PSPC1: variants seen among roughly 807,000 people sequenced by gnomAD.
PSPC1 encodes the protein paraspeckle component 1, also known as paraspeckle protein 1.
Under a neutral mutation model 51.6 loss-of-function variants are expected in PSPC1, and 14 were observed. That is an observed-to-expected ratio of 0.27 (90% CI 0.18 to 0.42). The LOEUF (loss-of-function observed/expected upper bound fraction) is 0.42, where lower values mean the gene tolerates loss of function less well. Ranked by LOEUF, PSPC1 falls within the 10% of genes least tolerant of loss-of-function variation. The pLI, the probability that PSPC1 is intolerant of heterozygous loss-of-function variation, is 1.00. For missense variants in PSPC1, 406 were observed against 701.1 expected, an observed-to-expected ratio of 0.58 and a Z score of 4.75; for synonymous variants, 193 against 231.9, an observed-to-expected ratio of 0.83 and a Z score of 1.53.
chr13:19,689,552 A>G lies in PSPC1; in HGVS notation c.1159-11729T>C, dbSNP rs540439161. ...TTTAAAAACCCTTTGCATACGCTGA[A>G]TTATACATTTAATCCCAAGTTTTCA... On this transcript the variant is annotated intron_variant and NMD_transcript_variant, in intron 6 of 7. Transcript: ENST00000471658. Among the ~76,000 whole-genome samples the G allele has an allele frequency of 7.9e-5, 12 of 152,344 alleles. No homozygotes were observed. The South Asian group carries it at 2.5e-3, about 32-fold the overall frequency.
At chr13:19,701,168 C>T (rs1454319505), downstream of PSPC1, among the ~76,000 whole-genome samples, 1 of 151,500 alleles carries the variant, frequency 6.6e-6, no homozygotes, top group African/African-American at 2.4e-5. Context: ...CACTGGCCTT[C>T]GAGTGTTCTT....
intron 4 of PSPC1, among the ~76,000 whole-genome samples, chr13:19,748,846 G>A (rs1010553888): frequency 1.5e-4 from 22 of 150,686 alleles, no homozygotes; most frequent in Admixed American, 1.2e-3. Flanking sequence ...CCCAGGAAAC[G>A]AAATTTCAAA....
At position 19,682,553 on chromosome 13, in the gene PSPC1, CACA is replaced by C. The variant is rs574759955; in HGVS notation, c.1159-4733_1159-4731del. On this transcript the variant is annotated intron_variant and NMD_transcript_variant, in intron 6 of 7. Transcript: ENST00000471658. ...ACATCAGAAGTTATCGGAAAATGTT[CACA>C]ACGTCAGGCTCACTAAAAAAAGTTA... Among the ~76,000 whole-genome samples the C allele has an allele frequency of 3.0e-3, 446 of 146,900 alleles. 1 individual carries two copies. The highest frequency in any genetic ancestry group is 0.011 in the African/African-American group (426 of 40,000).
intron 4 of PSPC1, among the ~76,000 whole-genome samples, chr13:19,744,447 C>T (rs1185154253): frequency 1.3e-5 from 2 of 152,150 alleles, no homozygotes; most frequent in Non-Finnish European, 2.9e-5. Flanking sequence ...TTTAAAGTTC[C>T]TAATACCCAA....
At chr13:19,754,145 C>T (rs1422466962) in intron 3 of PSPC1, among the ~76,000 whole-genome samples, 3 of 151,882 alleles carry the variant, frequency 2.0e-5, no homozygotes, top group Non-Finnish European at 2.9e-5. Context: ...AATGCAATGG[C>T]GCCATCTTGG....
chr13:19,672,959 G>A, downstream of PSPC1: 1 of 395,320 alleles, frequency 2.5e-6, no homozygotes, highest in South Asian at 1.9e-5. Flanking sequence ...AGGAGGCTGA[G>A]GTGAAAGGAT....
At chr13:19,741,968 C>G (rs1347952416) in intron 4 of PSPC1, among the ~76,000 whole-genome samples, 1 of 151,604 alleles carries the variant, frequency 6.6e-6, no homozygotes, top group African/African-American at 2.4e-5. Context: ...CCCAACTCTA[C>G]CAAAACTACA....
rs147558546 is a variant in PSPC1, at chr13:19,676,773, T to C, written c.*76+951A>G. Reference sequence around the variant, plus strand: ...GCTAGAAAAGACATACACTTAATACTTTCTGGATCTATTAGGATGACAATG... The same window carrying C: ...GCTAGAAAAGACATACACTTAATACCTTCTGGATCTATTAGGATGACAATG... On this transcript the variant is annotated intron_variant and NMD_transcript_variant, in intron 7 of 7. Coordinates refer to the PSPC1 transcript ENST00000471658. Among the ~76,000 whole-genome samples, 11 of 152,280 alleles carry C rather than the reference T, an allele frequency of 7.2e-5. No individual in the cohort carries two copies. In the East Asian group the frequency reaches 1.7e-3, roughly 24 times the overall value.
At chr13:19,760,695 A>T (rs1259731864) in intron 2 of PSPC1, among the ~76,000 whole-genome samples, 1 of 151,984 alleles carries the variant, frequency 6.6e-6, no homozygotes, top group Non-Finnish European at 1.5e-5. Context: ...CTCTATAAAA[A>T]ATTTTAAAAT....
chr13:19,750,541 C>T (rs1391583692), intron 4 of PSPC1, among the ~76,000 whole-genome samples: 1 of 151,958 alleles, frequency 6.6e-6, no homozygotes, highest in Non-Finnish European at 1.5e-5. Context: ...TCTTTTTCAT[C>T]TCTACCAGAT....
At chr13:19,775,222 C>T (rs895586521) in intron 1 of PSPC1, among the ~76,000 whole-genome samples, 5 of 151,840 alleles carry the variant, frequency 3.3e-5, no homozygotes, top group African/African-American at 1.2e-4. Flanking sequence ...GCATGTGGCA[C>T]GGGCCTGTAG....
chr13:19,689,395 A>G (rs997051624), intron 6 of PSPC1, among the ~76,000 whole-genome samples: 3 of 152,230 alleles, frequency 2.0e-5, no homozygotes, highest in Non-Finnish European at 4.4e-5. Context: ...TAGATTAGCT[A>G]TATAGAAAAA....
chr13:19,766,987 A>G (rs1888138087), intron 2 of PSPC1, among the ~76,000 whole-genome samples: 1 of 151,986 alleles, frequency 6.6e-6, no homozygotes, highest in Non-Finnish European at 1.5e-5. Flanking sequence ...CAGCCTGGAC[A>G]AAATGACAAA....
intron 5 of PSPC1, among the ~76,000 whole-genome samples, chr13:19,736,651 C>T (rs1478978562): frequency 2.0e-5 from 3 of 152,068 alleles, no homozygotes; most frequent in Non-Finnish European, 4.4e-5. Context: ...CCACTGCACT[C>T]CAGCCTGGGC....
chr13:19,750,359 G>A (rs543943914), intron 4 of PSPC1, among the ~76,000 whole-genome samples: 2 of 151,886 alleles, frequency 1.3e-5, no homozygotes, highest in Non-Finnish European at 2.9e-5. Context: ...TTGAACCCAG[G>A]TGGTGGAGGC....
intron 1 of PSPC1, among the ~76,000 whole-genome samples, chr13:19,775,825 A>G (rs1359889589): frequency 6.6e-6 from 1 of 152,082 alleles, no homozygotes; most frequent in African/African-American, 2.4e-5. Flanking sequence ...CCGAGGCAGG[A>G]GAATCACGAG....
At chr13:19,775,160 A>C (rs1037011812) in intron 1 of PSPC1, among the ~76,000 whole-genome samples, 2 of 152,108 alleles carry the variant, frequency 1.3e-5, no homozygotes, top group African/African-American at 4.8e-5. Context: ...AGCATAGTGA[A>C]ACCCCGTCTC....
At chr13:19,702,104 ATG>A (rs1260780594), downstream of PSPC1, among the ~76,000 whole-genome samples, 1 of 160 alleles carries the variant, frequency 6.3e-3, no homozygotes, top group Non-Finnish European at 0.018. Context: ...TACTCCTTGG[ATG>A]TCTCTCAGCA....
intron 2 of PSPC1, among the ~76,000 whole-genome samples, chr13:19,765,051 AT>A (rs766409046): frequency 7.2e-5 from 11 of 152,000 alleles, no homozygotes; most frequent in Non-Finnish European, 1.5e-4. Flanking sequence ...ATGGTTTTTC[AT>A]TTTAGCTCAG....
Sources: gnomAD v4.1 joint callset for allele counts (sites outside exome capture counted in the v4.1 genomes callset) on GRCh38, gnomAD v4.1.1 for gene constraint, MANE v1.5 for transcripts, NCBI Gene and HGNC (gene_info 2026-07-23, HGNC 2026-07-21) for gene names.